Variants in MARK3 observed in about 807,000 individuals in gnomAD.
MARK3 encodes microtubule affinity regulating kinase 3.
A neutral mutation model predicts 90.1 loss-of-function variants in MARK3; 46 were observed. The observed-to-expected ratio is 0.51, with a 90% CI of 0.40 to 0.65. The LOEUF is 0.65. Ranked by LOEUF, MARK3 falls within the 30% of genes least tolerant of loss-of-function variation. The pLI is 0.00. For synonymous variants in MARK3, 321 were observed against 332.6 expected, an observed-to-expected ratio of 0.97 and a Z score of 0.38; for missense variants, 818 against 947.2, an observed-to-expected ratio of 0.86 and a Z score of 1.79.
chr14:103,395,307 A>T (rs768433862), intron 1 of MARK3, among the ~76,000 whole-genome samples: 5 of 152,208 alleles, frequency 3.3e-5, no homozygotes, highest in Admixed American at 3.3e-4. Context: ...ACTGTGGACA[A>T]ATTCACTCGG....
At chr14:103,444,831 A>T (rs1211989826) in intron 3 of MARK3, among the ~76,000 whole-genome samples, 1 of 152,182 alleles carries the variant, frequency 6.6e-6, no homozygotes, top group Non-Finnish European at 1.5e-5. Flanking sequence ...GCCTTTTACA[A>T]TTACAAAACT....
intron 3 of MARK3, among the ~76,000 whole-genome samples, chr14:103,433,097 T>TTTG (rs1171684020): frequency 1.3e-5 from 2 of 150,150 alleles, no homozygotes; most frequent in Non-Finnish European, 3.0e-5. Context: ...TCTTTTCTTT[T>TTTG]TTTTTTGAGA....
chr14:103,395,974 TAGGCAAGCACG>T (rs1359290519), intron 1 of MARK3, among the ~76,000 whole-genome samples: 3 of 152,208 alleles, frequency 2.0e-5, no homozygotes, highest in Non-Finnish European at 4.4e-5. Context: ...TCACTTGGCC[TAGGCAAGCACG>T]GAATGCCCAT....
intron 17 of MARK3, among the ~76,000 whole-genome samples, chr14:103,502,676 T>G (rs2142190762): frequency 6.6e-6 from 1 of 152,356 alleles, no homozygotes; most frequent in Non-Finnish European, 1.5e-5. Context: ...TAGGTAGATC[T>G]TTTTGTGTGT....
chr14:103,493,258 A>ATTTT (rs10678432), intron 15 of MARK3, among the ~76,000 whole-genome samples: 14 of 105,350 alleles, frequency 1.3e-4, no homozygotes, highest in East Asian at 2.8e-4. Flanking sequence ...TTTTTTTTTA[A>ATTTT]TTTTTTTTTT....
intron 1 of MARK3, among the ~76,000 whole-genome samples, chr14:103,400,076 G>A (rs1173826114): frequency 1.3e-5 from 2 of 152,000 alleles, no homozygotes; most frequent in Non-Finnish European, 1.5e-5. Context: ...TTACAGGCAT[G>A]TGCCACCATG....
In MARK3 at chr14:103,423,694, G is replaced by A. The variant is rs371114207; in HGVS notation, c.244-4693G>A. On this transcript the variant is annotated intron_variant, in intron 2 of 17. Transcript: ENST00000429436. Reference sequence around the variant, plus strand: ...GTGATTTTGGTGGAGTCATCCCAGCGGGGAGCTAGGAGGAAGAGGGGATTA... The same window carrying A: ...GTGATTTTGGTGGAGTCATCCCAGCAGGGAGCTAGGAGGAAGAGGGGATTA... Among the ~76,000 whole-genome samples the A allele has an allele frequency of 2.8e-4, 43 of 152,310 alleles. No individual in the cohort carries two copies. The South Asian group carries it at 7.7e-3, about 27-fold the overall frequency.
chr14:103,412,810 A>G (rs569270645), intron 2 of MARK3: 198 of 396,760 alleles, frequency 5.0e-4, no homozygotes, highest in Middle Eastern at 1.3e-3. Flanking sequence ...TTGGTTTTAT[A>G]AATTATTAAT....
At chr14:103,491,155 T>G (rs1476207480) in intron 14 of MARK3, 4 of 1,197,148 alleles carry the variant, frequency 3.3e-6, no homozygotes, top group East Asian at 6.2e-5. Flanking sequence ...ACCCACTGCT[T>G]CTTAATTTTG....
chr14:103,423,931 C>A (rs181032816), intron 2 of MARK3, among the ~76,000 whole-genome samples: 6 of 152,144 alleles, frequency 3.9e-5, no homozygotes, highest in Admixed American at 2.0e-4. Context: ...TCAGTCCGGG[C>A]GCGATGGCTC....
intron 1 of MARK3, among the ~76,000 whole-genome samples, chr14:103,400,575 C>T (rs1202910599): frequency 6.6e-6 from 1 of 152,074 alleles, no homozygotes; most frequent in Non-Finnish European, 1.5e-5. Flanking sequence ...CTTTTGAGTA[C>T]CCATTATGTG....
intron 4 of MARK3, among the ~76,000 whole-genome samples, chr14:103,450,422 T>C (rs2093106851): frequency 6.6e-6 from 1 of 152,228 alleles, no homozygotes; most frequent in Admixed American, 6.5e-5. Context: ...TTTTAATTAC[T>C]TAAATTGTGA....
intron 4 of MARK3, 147 bp from the exon 5 acceptor site, chr14:103,451,771 A>T (rs1012708470): frequency 1.6e-6 from 1 of 608,186 alleles, no homozygotes; most frequent in African/African-American, 1.9e-5. Context: ...TATTTGATAA[A>T]ATTCCCTAAA....
chr14:103,477,907 G>A (rs1203111198), intron 13 of MARK3, among the ~76,000 whole-genome samples: 2 of 151,774 alleles, frequency 1.3e-5, no homozygotes, highest in Non-Finnish European at 2.9e-5. Flanking sequence ...GCTCAGGTGG[G>A]AAGATCATTT....
chr14:103,420,720 C>T (rs13379421), intron 2 of MARK3, among the ~76,000 whole-genome samples: 3 of 151,896 alleles, frequency 2.0e-5, no homozygotes, highest in East Asian at 1.9e-4. Context: ...TTTACCTGTT[C>T]GAAAAAATTT....
chr14:103,438,844 C>T (rs1437771441), intron 3 of MARK3, among the ~76,000 whole-genome samples: 1 of 151,956 alleles, frequency 6.6e-6, no homozygotes, highest in Non-Finnish European at 1.5e-5. Context: ...AGAAATTAGC[C>T]AGATGTGGTG....
intron 2 of MARK3, among the ~76,000 whole-genome samples, chr14:103,420,702 T>G (rs923109475): frequency 2.0e-5 from 3 of 152,224 alleles, no homozygotes; most frequent in African/African-American, 7.2e-5. Context: ...GGTTTCTATA[T>G]TTGCAAATTT....
chr14:103,418,025 C>T (rs536918307), intron 2 of MARK3, among the ~76,000 whole-genome samples: 40 of 152,116 alleles, frequency 2.6e-4, no homozygotes, highest in Non-Finnish European at 5.0e-4. Flanking sequence ...GCCGAGATCG[C>T]GCCACTGCAC....
intron 15 of MARK3, among the ~76,000 whole-genome samples, chr14:103,495,478 C>CAA (rs11462384): frequency 3.9e-4 from 55 of 142,828 alleles, no homozygotes; most frequent in South Asian, 6.7e-4. Flanking sequence ...CACTCCATCT[C>CAA]AAAAAAAAAA....
Sources: gnomAD v4.1 joint callset for allele counts (sites outside exome capture counted in the v4.1 genomes callset) on GRCh38, gnomAD v4.1.1 for gene constraint, MANE v1.5 for transcripts, NCBI Gene and HGNC (gene_info 2026-07-23, HGNC 2026-07-21) for gene names.